Variants in LAMA2 observed in about 807,000 individuals in gnomAD.
The protein encoded by LAMA2 is laminin subunit alpha 2.
LAMA2 carries 269 observed loss-of-function variants against 364.8 expected under a neutral mutation model. The observed-to-expected ratio is 0.74, with a 90% CI of 0.67 to 0.82. The LOEUF is 0.82. Ranked by LOEUF, LAMA2 falls within the 40% of genes least tolerant of loss-of-function variation. The pLI is 0.00. For synonymous variants in LAMA2, 1,379 were observed against 1,370.6 expected (o/e 1.01, Z -0.14); for missense variants, 3,807 against 3,873.2 (o/e 0.98, Z 0.45).
At chr6:129,503,593 A>G (rs1785815675) in intron 60 of LAMA2, among the ~76,000 whole-genome samples, 1 of 152,258 alleles carries the variant, frequency 6.6e-6, no homozygotes, top group African/African-American at 2.4e-5. Flanking sequence ...GAAACGTAGA[A>G]CAGAGTGTGT....
chr6:128,909,021 T>A (rs1179817265), intron 1 of LAMA2, among the ~76,000 whole-genome samples: 2 of 147,936 alleles, frequency 1.4e-5, no homozygotes, highest in Admixed American at 1.3e-4. Flanking sequence ...TAATTTCTGT[T>A]CTTTTACATT....
At chr6:129,146,641 G>A (rs1778474153) in intron 5 of LAMA2, among the ~76,000 whole-genome samples, 1 of 152,016 alleles carries the variant, frequency 6.6e-6, no homozygotes, top group South Asian at 2.1e-4. Flanking sequence ...CTTTTATGAA[G>A]AATAGCTGTC....
chr6:129,512,639 T>C, intron 63 of LAMA2, 146 bp downstream of exon 63: 1 of 921,142 alleles, frequency 1.1e-6, no homozygotes, highest in South Asian at 1.4e-5. Flanking sequence ...TTCATCCTTC[T>C]GGATTACTTC....
At chr6:129,341,568 A>C (rs1468189803) in intron 29 of LAMA2, among the ~76,000 whole-genome samples, 1 of 152,074 alleles carries the variant, frequency 6.6e-6, no homozygotes, top group Non-Finnish European at 1.5e-5. Context: ...TATTTTCCCA[A>C]AGTCTAAGTA....
chr6:129,046,166 T>C (rs1243491426), intron 1 of LAMA2, among the ~76,000 whole-genome samples: 1 of 152,204 alleles, frequency 6.6e-6, no homozygotes, highest in Non-Finnish European at 1.5e-5. Context: ...ATACTGTAAA[T>C]TAAATTTTTA....
intron 1 of LAMA2, among the ~76,000 whole-genome samples, chr6:128,988,353 G>A (rs575962149): frequency 1.2e-4 from 19 of 152,048 alleles, no homozygotes; most frequent in Middle Eastern, 3.4e-3. Context: ...AATAAGTGAT[G>A]CTGGACTAAA....
chr6:129,089,762 A>G (rs1245973073), intron 3 of LAMA2, among the ~76,000 whole-genome samples: 1 of 152,206 alleles, frequency 6.6e-6, no homozygotes, highest in African/African-American at 2.4e-5. Context: ...AATGATAGCA[A>G]CTTAATGAAG....
intron 1 of LAMA2, among the ~76,000 whole-genome samples, chr6:128,975,549 T>A (rs1003954851): frequency 5.3e-5 from 8 of 152,202 alleles, no homozygotes; most frequent in African/African-American, 1.9e-4. Context: ...AGTTTGGCTG[T>A]GTCTCCACCC....
At chr6:128,943,574 TA>T (rs1244683453) in intron 1 of LAMA2, among the ~76,000 whole-genome samples, 3 of 152,206 alleles carry the variant, frequency 2.0e-5, no homozygotes, top group Non-Finnish European at 4.4e-5. Flanking sequence ...ATTATAGGCG[TA>T]AGCCACCTTG....
chr6:129,260,403 A>G (rs927323336), intron 14 of LAMA2, among the ~76,000 whole-genome samples: 2 of 152,150 alleles, frequency 1.3e-5, no homozygotes, highest in Non-Finnish European at 2.9e-5. Flanking sequence ...CTTTAACTAT[A>G]TGATTTTAAA....
At chr6:128,894,441 ATT>A (rs1451353573) in intron 1 of LAMA2, among the ~76,000 whole-genome samples, 6 of 152,168 alleles carry the variant, frequency 3.9e-5, no homozygotes, top group African/African-American at 1.4e-4. Flanking sequence ...TTATTGACAA[ATT>A]TTGTTATTTT....
intron 41 of LAMA2, among the ~76,000 whole-genome samples, chr6:129,429,332 G>A (rs530491640): frequency 7.9e-5 from 12 of 152,118 alleles, no homozygotes; most frequent in Non-Finnish European, 1.8e-4. Flanking sequence ...GAAAGACATG[G>A]GGTTTTGCTA....
intron 12 of LAMA2, among the ~76,000 whole-genome samples, chr6:129,223,888 A>T (rs915024872): frequency 6.6e-6 from 1 of 152,150 alleles, no homozygotes; most frequent in Non-Finnish European, 1.5e-5. Context: ...GAAGAAAGTC[A>T]CTGGTAGCTT....
At chr6:129,344,167 G>T (rs1425141803) in intron 30 of LAMA2, among the ~76,000 whole-genome samples, 2 of 152,122 alleles carry the variant, frequency 1.3e-5, no homozygotes, top group South Asian at 2.1e-4. Context: ...TATTATCATA[G>T]AATTGAGTAT....
intron 9 of LAMA2, among the ~76,000 whole-genome samples, chr6:129,174,108 T>A (rs1780405657): frequency 6.6e-6 from 1 of 152,010 alleles, no homozygotes; most frequent in African/African-American, 2.4e-5. Context: ...TACCAACCCA[T>A]GATTATTATA....
intron 40 of LAMA2, among the ~76,000 whole-genome samples, chr6:129,410,192 C>T (rs1418498331): frequency 6.6e-6 from 1 of 152,168 alleles, no homozygotes; most frequent in African/African-American, 2.4e-5. Flanking sequence ...CACATAATCT[C>T]CACCTGTTTT....
chr6:128,940,562 T>C (rs181253509), intron 1 of LAMA2, among the ~76,000 whole-genome samples: 1 of 152,196 alleles, frequency 6.6e-6, no homozygotes, highest in Admixed American at 6.5e-5. Flanking sequence ...TGAATAAAGA[T>C]TATATCATAT....
Position 129,235,215 on chromosome 6 carries a change from G to C in LAMA2, c.1783-14897G>C, listed in dbSNP as rs112304688. 4.6e-3 allele frequency among the ~76,000 whole-genome samples: 706 copies of C among 152,242 alleles called. 3 individuals carry two copies. The highest frequency in any genetic ancestry group is 0.016 in the African/African-American group (673 of 41,538). ...AAATAAACATTAGGTATTTCAGTAC[G>C]TAGAGTTTGTGGACAAAAAGAATAG... On this transcript the variant is annotated intron_variant, in intron 12 of 64. Transcript: ENST00000421865.
At chr6:129,170,087 A>G (rs992362302) in intron 9 of LAMA2, among the ~76,000 whole-genome samples, 2 of 151,414 alleles carry the variant, frequency 1.3e-5, no homozygotes, top group South Asian at 2.1e-4. Flanking sequence ...CGGTCTATCA[A>G]TTTTGTTGAC....
Sources: allele counts gnomAD v4.1 joint callset (sites outside exome capture counted in the v4.1 genomes callset), GRCh38; gene constraint gnomAD v4.1.1; transcripts MANE v1.5; gene names NCBI Gene and HGNC (gene_info 2026-07-23, HGNC 2026-07-21).